ZNF536: variants seen among roughly 807,000 people sequenced by gnomAD.
ZNF536 encodes the protein zinc finger protein 536.
In ZNF536, 13 loss-of-function variants were observed where a neutral mutation model predicts 84.5. The ratio of observed to expected loss-of-function variants is 0.15; its 90% CI spans 0.10 to 0.24. The LOEUF (loss-of-function observed/expected upper bound fraction) is 0.24, where lower values mean the gene tolerates loss of function less well. Ranked by LOEUF, ZNF536 falls within the 10% of genes least tolerant of loss-of-function variation. The probability of loss-of-function intolerance (pLI) is 1.00; values close to 1 mark genes in which losing one functional copy is unlikely to be tolerated. For missense variants in ZNF536, 1,536 were observed against 1,747.5 expected (o/e 0.88, Z 2.16); for synonymous variants, 811 against 742.5 (o/e 1.09, Z -1.50).
At chr19:30,502,494 G>A (rs2054991861) in intron 2 of ZNF536, among the ~76,000 whole-genome samples, 1 of 152,134 alleles carries the variant, frequency 6.6e-6, no homozygotes, top group Non-Finnish European at 1.5e-5. Flanking sequence ...GTCCACTGAG[G>A]GGAGAGAGAG....
At chr19:30,626,124 A>T (rs2048666842) in intron 1 of ZNF536, among the ~76,000 whole-genome samples, 1 of 152,232 alleles carries the variant, frequency 6.6e-6, no homozygotes, top group South Asian at 2.1e-4. Context: ...TCTCTATGGC[A>T]AGGAGCCGGG....
chr19:30,227,668 G>A (rs1017888892), upstream of ZNF536, among the ~76,000 whole-genome samples: 1 of 151,798 alleles, frequency 6.6e-6, no homozygotes, highest in African/African-American at 2.4e-5. Flanking sequence ...CGGGGCGAGG[G>A]GCGAGCGGGA....
At chr19:30,702,936 GAC>G (rs1191006970) in intron 1 of ZNF536, among the ~76,000 whole-genome samples, 2 of 152,230 alleles carry the variant, frequency 1.3e-5, no homozygotes, top group African/African-American at 4.8e-5. Flanking sequence ...CCGTGGAGCT[GAC>G]AGTCTGCCTG....
intron 1 of ZNF536, among the ~76,000 whole-genome samples, chr19:30,627,576 G>A (rs913440901): frequency 1.3e-5 from 2 of 150,550 alleles, no homozygotes; most frequent in Admixed American, 6.6e-5. Flanking sequence ...GTGTGACCTT[G>A]GATAGGTTGC....
chr19:30,322,801 G>A (rs1354777970), intron 2 of ZNF536, among the ~76,000 whole-genome samples: 1 of 151,760 alleles, frequency 6.6e-6, no homozygotes, highest in East Asian at 2.0e-4. Context: ...TCCTAGTGGG[G>A]GCCTCAGATG....
chr19:30,280,274 A>G (rs188100022), intron 1 of ZNF536, among the ~76,000 whole-genome samples: 226 of 140,886 alleles, frequency 1.6e-3, no homozygotes, highest in African/African-American at 5.8e-3. Context: ...TTTCCCTCCC[A>G]CTTCCATTTT....
At chr19:30,656,471 G>A (rs972864412) in intron 1 of ZNF536, among the ~76,000 whole-genome samples, 2 of 152,160 alleles carry the variant, frequency 1.3e-5, no homozygotes, top group Admixed American at 6.5e-5. Context: ...TGCTGGAAAC[G>A]CGCTGTCACT....
chr19:30,657,399 T>C (rs953648983), intron 1 of ZNF536, among the ~76,000 whole-genome samples: 1 of 152,150 alleles, frequency 6.6e-6, no homozygotes, highest in African/African-American at 2.4e-5. Context: ...AAAGCAGCAA[T>C]GTCCAAGAGG....
chr19:30,484,168 A>G (rs2054200312), intron 2 of ZNF536, among the ~76,000 whole-genome samples: 4 of 151,114 alleles, frequency 2.6e-5, no homozygotes, highest in Admixed American at 1.3e-4. Context: ...TGTTGAATGG[A>G]TGAATGTATG....
chr19:30,476,716 A>C (rs2053861452), intron 2 of ZNF536, among the ~76,000 whole-genome samples: 1 of 152,168 alleles, frequency 6.6e-6, no homozygotes, highest in African/African-American at 2.4e-5. Context: ...CTGTTCTCAA[A>C]CAGGTCCATT....
At chr19:30,254,503 A>T (rs2024800959) in intron 1 of ZNF536, among the ~76,000 whole-genome samples, 1 of 149,290 alleles carries the variant, frequency 6.7e-6, no homozygotes. Flanking sequence ...TACAGTTGGC[A>T]TTGGGGTAGA....
intron 2 of ZNF536, among the ~76,000 whole-genome samples, chr19:30,328,355 C>T (rs1345251248): frequency 1.3e-5 from 2 of 152,184 alleles, no homozygotes; most frequent in African/African-American, 4.8e-5. Context: ...CTCATTCGAG[C>T]TCATGTCCCT....
chr19:30,378,053 A>G (rs1485944522), intron 1 of ZNF536, among the ~76,000 whole-genome samples: 1 of 152,164 alleles, frequency 6.6e-6, no homozygotes, highest in Non-Finnish European at 1.5e-5. Context: ...GATGGTCTCA[A>G]CATGGTCTGA....
intron 2 of ZNF536, among the ~76,000 whole-genome samples, chr19:30,310,684 C>A (rs902518285): frequency 6.6e-6 from 1 of 152,188 alleles, no homozygotes; most frequent in Non-Finnish European, 1.5e-5. Context: ...GTAGAATCTC[C>A]ATCAAAACAA....
chr19:30,349,620 A>C (rs986109742), intron 2 of ZNF536, among the ~76,000 whole-genome samples: 2 of 152,030 alleles, frequency 1.3e-5, no homozygotes, highest in African/African-American at 4.8e-5. Flanking sequence ...CTATAGAGAA[A>C]GGAAGAAGTG....
chr19:30,290,788 G>T (rs190530453), intron 2 of ZNF536, among the ~76,000 whole-genome samples: 1 of 152,154 alleles, frequency 6.6e-6, no homozygotes, highest in Admixed American at 6.5e-5. Context: ...CATCATCTAG[G>T]TTTTAAGCCC....
chr19:30,494,279 G>T (rs1005948823), intron 2 of ZNF536, among the ~76,000 whole-genome samples: 12 of 152,198 alleles, frequency 7.9e-5, no homozygotes, highest in Non-Finnish European at 1.8e-4. Flanking sequence ...GTTCGTTACA[G>T]CTAAGGTCAG....
At chr19:30,326,797 T>TTTTTTTTTG (rs1363089446) in intron 2 of ZNF536, among the ~76,000 whole-genome samples, 3 of 119,938 alleles carry the variant, frequency 2.5e-5, no homozygotes, top group Admixed American at 8.4e-5. Flanking sequence ...AAAGCTTTTT[T>TTTTTTTTTG]TTTTTTTTTT....
At chr19:30,417,148 A>ATTTTTTTTTT (rs71173904) in intron 1 of ZNF536, among the ~76,000 whole-genome samples, 54 of 100,222 alleles carry the variant, frequency 5.4e-4, no homozygotes, top group East Asian at 2.3e-3. Context: ...TAATTTTTGT[A>ATTTTTTTTTT]TTTTTTTTTT....
Sources: gnomAD v4.1 joint callset for allele counts (sites outside exome capture counted in the v4.1 genomes callset) on GRCh38, gnomAD v4.1.1 for gene constraint, MANE v1.5 for transcripts, NCBI Gene and HGNC (gene_info 2026-07-23, HGNC 2026-07-21) for gene names.